The following SEMA6D variants were observed in gnomAD, a reference collection of about 807,000 sequenced individuals.
The protein encoded by SEMA6D is semaphorin 6D, also known as semaphorin-6D.
In SEMA6D, 35 loss-of-function variants were observed where a neutral mutation model predicts 106.6. The observed-to-expected ratio is 0.33, with a 90% CI of 0.25 to 0.44. The LOEUF is 0.44. Among genes scored for constraint, SEMA6D ranks in the 20% least tolerant of loss-of-function variants. SEMA6D has a pLI of 1.00. For synonymous variants in SEMA6D, 499 were observed against 487.7 expected, an observed-to-expected ratio of 1.02 and a Z score of -0.31; for missense variants, 1,185 against 1,345.9, an observed-to-expected ratio of 0.88 and a Z score of 1.87.
intron 1 of SEMA6D, among the ~76,000 whole-genome samples, chr15:47,193,225 T>A (rs963008283): frequency 2.6e-5 from 4 of 152,168 alleles, no homozygotes; most frequent in African/African-American, 7.2e-5. Flanking sequence ...TCAATAAAAT[T>A]GACAATATTA....
intron 1 of SEMA6D, among the ~76,000 whole-genome samples, chr15:47,196,759 T>G (rs1406665079): frequency 6.6e-6 from 1 of 152,188 alleles, no homozygotes; most frequent in Non-Finnish European, 1.5e-5. Flanking sequence ...TTTCTAAAGT[T>G]GCACACGATT....
At chr15:47,326,150 A>G (rs1004189270) in intron 1 of SEMA6D, among the ~76,000 whole-genome samples, 1 of 152,212 alleles carries the variant, frequency 6.6e-6, no homozygotes, top group African/African-American at 2.4e-5. Flanking sequence ...CGGATTCTCT[A>G]ATGCAATTTT....
intron 1 of SEMA6D, among the ~76,000 whole-genome samples, chr15:47,330,918 G>A (rs577565183): frequency 6.6e-6 from 1 of 152,280 alleles, no homozygotes; most frequent in South Asian, 2.1e-4. Context: ...ATGCATACCT[G>A]CTTATGGATA....
chr15:47,547,032 TACAC>T (rs1252596965), intron 3 of SEMA6D, among the ~76,000 whole-genome samples: 1 of 152,020 alleles, frequency 6.6e-6, no homozygotes, highest in Non-Finnish European at 1.5e-5. Context: ...CTTACAAAAA[TACAC>T]ACAAACACAC....
intron 4 of SEMA6D, among the ~76,000 whole-genome samples, chr15:47,670,268 C>T (rs1389014856): frequency 1.3e-5 from 2 of 152,186 alleles, no homozygotes; most frequent in Non-Finnish European, 2.9e-5. Context: ...CCACACACCA[C>T]ATTATGAATA....
At chr15:47,536,250 T>A (rs563738229) in intron 3 of SEMA6D, among the ~76,000 whole-genome samples, 9 of 152,132 alleles carry the variant, frequency 5.9e-5, no homozygotes, top group Non-Finnish European at 1.0e-4. Flanking sequence ...AAAGGAGGAG[T>A]TCCACCATAA....
Position 47,604,865 on chromosome 15 carries a change from A to G in SEMA6D, c.-55+3969A>G, listed in dbSNP as rs541246183. ...GCGCCCACCACCACCATGCCTGGCT[A>G]ATTTTTTTTTTTTTGTATTTTTAGT... On this transcript the variant is annotated intron_variant, in intron 4 of 19. Coordinates refer to the SEMA6D transcript ENST00000558014. Among the ~76,000 whole-genome samples, 25 of 26,358 alleles carry G rather than the reference A, an allele frequency of 9.5e-4. No homozygotes were observed. In the South Asian group the frequency reaches 0.034, roughly 36 times the overall value. 17.3% of individuals were successfully genotyped at this position (26,358 alleles called of 152,430 possible).
intron 4 of SEMA6D, among the ~76,000 whole-genome samples, chr15:47,702,465 C>T (rs2078831167): frequency 2.0e-5 from 3 of 152,130 alleles, no homozygotes; most frequent in Admixed American, 2.0e-4. Context: ...TTGTTGTTTT[C>T]TTACAAAACT....
chr15:47,716,895 C>A (rs2079129329), upstream of SEMA6D: 1 of 120,808 alleles, frequency 8.3e-6, no homozygotes, highest in Admixed American at 1.3e-4. Flanking sequence ...TTCTTCCCAG[C>A]TGTTTTGCTT....
chr15:47,242,487 T>A (rs1043483050), intron 1 of SEMA6D, among the ~76,000 whole-genome samples: 2 of 152,164 alleles, frequency 1.3e-5, no homozygotes, highest in East Asian at 3.9e-4. Context: ...TCAGGCTCAA[T>A]CAAGTAAAAC....
intron 4 of SEMA6D, among the ~76,000 whole-genome samples, chr15:47,631,269 G>C (rs1215110828): frequency 6.6e-6 from 1 of 151,800 alleles, no homozygotes; most frequent in African/African-American, 2.4e-5. Context: ...TTCTGTAATG[G>C]TTATAAGACT....
chr15:47,444,074 A>C (rs1323491817), intron 2 of SEMA6D, among the ~76,000 whole-genome samples: 1 of 152,180 alleles, frequency 6.6e-6, no homozygotes, highest in East Asian at 1.9e-4. Flanking sequence ...GTGACTGAGT[A>C]GGCCATTGTC....
chr15:47,500,488 T>C (rs942188956), intron 3 of SEMA6D, among the ~76,000 whole-genome samples: 5 of 152,144 alleles, frequency 3.3e-5, no homozygotes, highest in African/African-American at 1.2e-4. Flanking sequence ...TTGAAATCAT[T>C]TTATATAAAT....
At chr15:47,489,795 G>A (rs911378114) in intron 3 of SEMA6D, among the ~76,000 whole-genome samples, 2 of 152,044 alleles carry the variant, frequency 1.3e-5, no homozygotes, top group Admixed American at 1.3e-4. Context: ...GGGATTACAG[G>A]TGCCTGCCAC....
At chr15:47,700,172 G>A (rs2078780983) in intron 4 of SEMA6D, among the ~76,000 whole-genome samples, 1 of 152,188 alleles carries the variant, frequency 6.6e-6, no homozygotes, top group South Asian at 2.1e-4. Context: ...TTCATGGATA[G>A]GAAGACAATA....
intron 1 of SEMA6D, among the ~76,000 whole-genome samples, chr15:47,258,071 T>G (rs1230231842): frequency 2.6e-5 from 4 of 152,208 alleles, no homozygotes; most frequent in Admixed American, 2.6e-4. Context: ...CATTTTTGAT[T>G]AATGTTTATA....
chr15:47,211,834 C>T (rs985955373), intron 1 of SEMA6D, among the ~76,000 whole-genome samples: 41 of 152,096 alleles, frequency 2.7e-4, no homozygotes, highest in African/African-American at 8.7e-4. Flanking sequence ...TGGTAACATA[C>T]GTTACCTTTA....
intron 1 of SEMA6D, among the ~76,000 whole-genome samples, chr15:47,213,361 A>G (rs2030232683): frequency 6.6e-6 from 1 of 152,228 alleles, no homozygotes; most frequent in South Asian, 2.1e-4. Context: ...ATCATAACCT[A>G]AATTGAAATA....
At chr15:47,694,777 G>A (rs1459371873) in intron 4 of SEMA6D, among the ~76,000 whole-genome samples, 2 of 152,036 alleles carry the variant, frequency 1.3e-5, no homozygotes, top group African/African-American at 2.4e-5. Context: ...GAAAGAATAT[G>A]GCAGCTTTTC....
Sources: allele counts gnomAD v4.1 joint callset (sites outside exome capture counted in the v4.1 genomes callset), GRCh38; gene constraint gnomAD v4.1.1; transcripts MANE v1.5; gene names NCBI Gene and HGNC (gene_info 2026-07-23, HGNC 2026-07-21).